CST3: variants seen among roughly 807,000 people sequenced by gnomAD.
The protein encoded by CST3 is cystatin-C.
CST3 carries 14 observed loss-of-function variants against 9.0 expected under a neutral mutation model. That is an observed-to-expected ratio of 1.56 (90% confidence interval 1.03 to 2.44). The LOEUF (loss-of-function observed/expected upper bound fraction) is 2.44, where lower values mean the gene tolerates loss of function less well. Among genes scored for constraint, CST3 ranks in the 30% most tolerant of loss-of-function variants. The pLI, the probability that CST3 is intolerant of heterozygous loss-of-function variation, is 0.00. For synonymous variants in CST3, 96 were observed against 90.2 expected, an observed-to-expected ratio of 1.06 and a Z score of -0.37; for missense variants, 237 against 204.3, an observed-to-expected ratio of 1.16 and a Z score of -0.98.
chr20:23,636,447 G>T (rs2122478621), intron 1 of CST3, among the ~76,000 whole-genome samples: 1 of 152,282 alleles, frequency 6.6e-6, no homozygotes, highest in South Asian at 2.1e-4. Flanking sequence ...ATAGAGGCAG[G>T]GTCAGGCATG....
At position 23,637,887 on chromosome 20, in the gene CST3, G is replaced by A. The variant is rs993920449; in HGVS notation, c.-25C>T. On this transcript the variant is annotated 5_prime_UTR_variant, in exon 1 of 3. Transcript: ENST00000376925. ...TGGTCGGCTAGGACGCGGGACGCGG[G>A]GAGTGGGGCGCAGGCGAGAGGCTGG... 3 of 1,384,198 alleles carry A rather than the reference G, an allele frequency of 2.2e-6. No individual in the cohort carries two copies. Among genetic ancestry groups the A allele is most frequent in the African/African-American group, 1.5e-5 (1 of 65,372 alleles). 85.7% of individuals were successfully genotyped at this position (1,384,198 alleles called of 1,614,324 possible).
exon 4 of CST3, chr20:23,627,508 T>G (rs751401881): frequency 1.2e-4 from 19 of 152,242 alleles, no homozygotes; most frequent in Non-Finnish European, 1.6e-4. Flanking sequence ...CTATGAACTT[T>G]CATGTGTAAA....
chr20:23,632,717 C>T (rs931029384), downstream of CST3, among the ~76,000 whole-genome samples: 40 of 152,206 alleles, frequency 2.6e-4, no homozygotes, highest in African/African-American at 8.0e-4. Flanking sequence ...TGGAAGGTAC[C>T]TGGGAGGCCT....
rs376840807 is a variant in CST3, at chr20:23,635,368, C to A, written c.244-1G>T. 3.2e-5 allele frequency: 52 copies of A among 1,613,444 alleles called. No individual in the cohort carries two copies. Among genetic ancestry groups the A allele is most frequent in the Non-Finnish European group, 4.2e-5 (50 of 1,179,680 alleles). On this transcript the variant is annotated splice_acceptor_variant, in intron 1 of 2. Coordinates refer to ENST00000376925, the MANE Select transcript of CST3 (RefSeq NM_000099.4). LOFTEE classifies it high-confidence loss of function. ...AGAAGTAGTTCACCCCAGCTACGAT[C>A]TACACATGTGAAAGAGCAGGAGGCA...
chr20:23,633,839 C>A lies in CST3; in HGVS notation c.*77G>T. The stretch of plus-strand genomic sequence containing the variant: ...AGACCTTCCCCAAGGCAGGGGCCAC[C>A]AGTCCAGGGGTGGGAATACAGGGGG... On this transcript the variant is annotated 3_prime_UTR_variant, in exon 3 of 3. Transcript: ENST00000376925. 7.9e-7 allele frequency: 1 copy of A among 1,273,738 alleles called. No individual in the cohort carries two copies. Among genetic ancestry groups the A allele is most frequent in the South Asian group, 1.2e-5 (1 of 83,774 alleles). 78.9% of individuals were successfully genotyped at this position (1,273,738 alleles called of 1,614,324 possible).
downstream of CST3, among the ~76,000 whole-genome samples, chr20:23,629,945 T>C (rs186284348): frequency 2.0e-5 from 3 of 152,340 alleles, no homozygotes; most frequent in African/African-American, 7.2e-5. Context: ...TTGCTTTTGC[T>C]TTGTTGAGTT....
At chr20:23,635,671 G>A (rs1021011062) in intron 1 of CST3, among the ~76,000 whole-genome samples, 5 of 152,226 alleles carry the variant, frequency 3.3e-5, no homozygotes, top group Non-Finnish European at 7.4e-5. Context: ...GTTCTCATGT[G>A]ATGATGAAAT....
intron 1 of CST3, among the ~76,000 whole-genome samples, chr20:23,635,622 T>A (rs183013687): frequency 6.6e-6 from 1 of 152,326 alleles, no homozygotes; most frequent in East Asian, 1.9e-4. Context: ...CCGCTACCTA[T>A]GACCCAGGGG....
chr20:23,627,267 G>A (rs1172566738), exon 4 of CST3: 1 of 152,112 alleles, frequency 6.6e-6, no homozygotes, highest in Non-Finnish European at 1.5e-5. Flanking sequence ...CATATAAATT[G>A]AATCATATTG....
In CST3 at chr20:23,637,208, A is replaced by C. The variant is rs552853528; in HGVS notation, c.243+412T>G. The stretch of plus-strand genomic sequence containing the variant: ...AGTTAAAAGAAACAAAAGTGCTTAA[A>C]AATTATTTGGTGGAAGAACAAGGAG... On this transcript the variant is annotated intron_variant, in intron 1 of 2. Transcript: ENST00000376925. Among the ~76,000 whole-genome samples, 3 of 152,336 alleles carry C rather than the reference A, an allele frequency of 2.0e-5. No homozygotes were observed. The South Asian group carries it at 6.2e-4, about 32-fold the overall frequency.
chr20:23,635,182 T>TCA (rs3067508), intron 2 of CST3, 72 bp downstream of exon 2: 162,139 of 1,095,250 alleles, frequency 0.15, 2,644 homozygotes, highest in East Asian at 0.2. Flanking sequence ...AACATGTGCA[T>TCA]CACACACACA....
intron 1 of CST3, among the ~76,000 whole-genome samples, chr20:23,636,026 A>G (rs1470228837): frequency 6.6e-6 from 1 of 152,130 alleles, no homozygotes; most frequent in African/African-American, 2.4e-5. Flanking sequence ...TGCCCTGTGG[A>G]ACCACACACA....
intron 2 of CST3, among the ~76,000 whole-genome samples, chr20:23,634,501 G>A (rs752712172): frequency 6.6e-6 from 1 of 152,184 alleles, no homozygotes; most frequent in Non-Finnish European, 1.5e-5. Flanking sequence ...GGTCCTTGGA[G>A]AAGCTGGTGT....
chr20:23,636,494 A>AG (rs1979680360), intron 1 of CST3, among the ~76,000 whole-genome samples: 1 of 152,114 alleles, frequency 6.6e-6, no homozygotes, highest in African/African-American at 2.4e-5. Flanking sequence ...CCTGGGATGT[A>AG]GGGGGTGGTC....
chr20:23,629,282 T>C, downstream of CST3: 1 of 152,332 alleles, frequency 6.6e-6, no homozygotes, highest in Non-Finnish European at 1.5e-5. Flanking sequence ...AGTCATGGCT[T>C]GTGAGTCAGA....
downstream of CST3, among the ~76,000 whole-genome samples, chr20:23,630,366 G>A (rs371619171): frequency 1.1e-4 from 17 of 152,328 alleles, no homozygotes; most frequent in South Asian, 3.1e-3. Flanking sequence ...ATAAGCCTCA[G>A]GTGACAGGAT....
chr20:23,634,885 A>G (rs921309164), intron 2 of CST3, among the ~76,000 whole-genome samples: 1 of 151,986 alleles, frequency 6.6e-6, no homozygotes, highest in African/African-American at 2.4e-5. Context: ...ATCTACCCAC[A>G]TGCACACACA....
chr20:23,632,452 A>C (rs1181482852), downstream of CST3: 1 of 152,286 alleles, frequency 6.6e-6, no homozygotes, highest in Non-Finnish European at 1.5e-5. Flanking sequence ...GCCCAGACTC[A>C]AATCTCCTCA....
At chr20:23,630,827 T>C (rs995887964), downstream of CST3, among the ~76,000 whole-genome samples, 1 of 150,886 alleles carries the variant, frequency 6.6e-6, no homozygotes, top group Admixed American at 6.6e-5. Context: ...TTAACTAGTC[T>C]ATCAGTAAAG....
Sources: allele counts gnomAD v4.1 joint callset (sites outside exome capture counted in the v4.1 genomes callset), GRCh38; gene constraint gnomAD v4.1.1; transcripts MANE v1.5; gene names NCBI Gene and HGNC (gene_info 2026-07-23, HGNC 2026-07-21).